The following ITGB5 variants were observed in gnomAD, a reference collection of about 807,000 sequenced individuals.
The protein encoded by ITGB5 is integrin subunit beta 5.
In ITGB5, 38 loss-of-function variants were observed where a neutral mutation model predicts 84.8. The ratio of observed to expected loss-of-function variants is 0.45; its 90% confidence interval spans 0.35 to 0.59. ITGB5 has a LOEUF of 0.59. Ranked by LOEUF, ITGB5 falls within the 20% of genes least tolerant of loss-of-function variation. The pLI, the probability that ITGB5 is intolerant of heterozygous loss-of-function variation, is 0.01. For synonymous variants in ITGB5, 393 were observed against 414.4 expected (o/e 0.95, Z 0.63); for missense variants, 905 against 1,034.5 (o/e 0.87, Z 1.72).
At chr3:124,833,380 T>G (rs996745943) in intron 5 of ITGB5, among the ~76,000 whole-genome samples, 1 of 152,230 alleles carries the variant, frequency 6.6e-6, no homozygotes, top group Non-Finnish European at 1.5e-5. Context: ...ATCAATAATT[T>G]TATATGGTTC....
At chr3:124,767,272 G>A (rs2063780722) in intron 12 of ITGB5, among the ~76,000 whole-genome samples, 1 of 152,220 alleles carries the variant, frequency 6.6e-6, no homozygotes, top group African/African-American at 2.4e-5. Flanking sequence ...CTGCTAGACG[G>A]AGCTGTAACC....
chr3:124,856,091 G>A (rs1579301015), intron 3 of ITGB5, among the ~76,000 whole-genome samples: 1 of 151,774 alleles, frequency 6.6e-6, no homozygotes, highest in African/African-American at 2.4e-5. Flanking sequence ...TCACTATGTT[G>A]CCCAGGCTGG....
At chr3:124,819,692 AC>A in intron 7 of ITGB5, 46 bp downstream of exon 7, 1 of 1,359,068 alleles carries the variant, frequency 7.4e-7, no homozygotes, top group Non-Finnish European at 1.1e-6. Context: ...ACTCCTCACC[AC>A]CCACTTCACC....
chr3:124,854,297 T>C (rs1462782505), intron 3 of ITGB5, among the ~76,000 whole-genome samples: 2 of 152,202 alleles, frequency 1.3e-5, no homozygotes, highest in African/African-American at 2.4e-5. Context: ...TTAGTCATAA[T>C]TGCCCCAAAG....
intron 5 of ITGB5, among the ~76,000 whole-genome samples, chr3:124,824,001 G>A (rs9861248): frequency 0.17 from 26,354 of 152,026 alleles, 2,497 homozygotes; most frequent in Admixed American, 0.26. Context: ...GTGTTGAGAC[G>A]CCATCTCTCT....
chr3:124,878,098 C>G (rs1213704296), intron 1 of ITGB5, among the ~76,000 whole-genome samples: 2 of 152,226 alleles, frequency 1.3e-5, no homozygotes, highest in African/African-American at 4.8e-5. Context: ...GATCTGCCCA[C>G]TTCAGCCTCC....
chr3:124,824,622 G>C (rs1019139083), intron 5 of ITGB5, among the ~76,000 whole-genome samples: 1 of 152,060 alleles, frequency 6.6e-6, no homozygotes, highest in Non-Finnish European at 1.5e-5. Context: ...GAAAATATTT[G>C]AAAAAATTAA....
intron 4 of ITGB5, among the ~76,000 whole-genome samples, chr3:124,843,930 A>C (rs1351376184): frequency 6.6e-6 from 1 of 152,202 alleles, no homozygotes; most frequent in Non-Finnish European, 1.5e-5. Flanking sequence ...ATCCAATTTG[A>C]AGACACCAGA....
intron 1 of ITGB5, among the ~76,000 whole-genome samples, chr3:124,879,212 C>T (rs766897666): frequency 2.3e-4 from 35 of 152,328 alleles, no homozygotes; most frequent in Non-Finnish European, 4.1e-4. Context: ...CCATAGCCTC[C>T]TGGCTGGCCT....
intron 5 of ITGB5, among the ~76,000 whole-genome samples, chr3:124,825,063 G>T (rs977330500): frequency 6.6e-6 from 1 of 152,140 alleles, no homozygotes; most frequent in Non-Finnish European, 1.5e-5. Context: ...TGGGCGTGGT[G>T]GTGGGTGCCT....
intron 4 of ITGB5, 123 bp from the exon 5 acceptor site, chr3:124,841,674 T>A: frequency 1.2e-6 from 1 of 849,128 alleles, no homozygotes; most frequent in South Asian, 1.7e-5. Flanking sequence ...ACCTACCACA[T>A]GCCCCAGGAC....
chr3:124,895,654 G>C (rs1178392054), intron 1 of ITGB5, among the ~76,000 whole-genome samples: 1 of 152,164 alleles, frequency 6.6e-6, no homozygotes, highest in Non-Finnish European at 1.5e-5. Context: ...TTGGGGCTGG[G>C]GTGGGGAATG....
At chr3:124,838,586 A>T (rs955129629) in intron 5 of ITGB5, among the ~76,000 whole-genome samples, 19 of 152,116 alleles carry the variant, frequency 1.2e-4, no homozygotes, top group Non-Finnish European at 1.9e-4. Context: ...AATACCTTAC[A>T]TATTATTCAA....
intron 1 of ITGB5, among the ~76,000 whole-genome samples, chr3:124,876,373 C>A (rs572876752): frequency 2.6e-5 from 4 of 151,230 alleles, no homozygotes; most frequent in African/African-American, 9.8e-5. Context: ...AAAAAACAAA[C>A]CAGTATCTTG....
At chr3:124,821,189 G>A in intron 6 of ITGB5, 124 bp downstream of exon 6, 1 of 1,058,242 alleles carries the variant, frequency 9.4e-7, no homozygotes, top group African/African-American at 1.6e-5. Flanking sequence ...ACCCCAAGAA[G>A]GGATCAGAAA....
Position 124,766,240 on chromosome 3 carries a change from A to C in ITGB5, c.2123T>G (p.Val708Gly). 6.2e-7 allele frequency: 1 copy of C among 1,613,872 alleles called. No homozygotes were observed. Among genetic ancestry groups the C allele is most frequent in the Non-Finnish European group, 8.5e-7 (1 of 1,179,914 alleles). Residue 708 changes from valine (V) to glycine (G), a missense_variant, in exon 13 of 15, where the codon GTC becomes GGC. Physicochemically the swap from Val to Gly is moderately radical, Grantham distance 109 (BLOSUM62 -3). This residue lies in a region of ITGB5 where 133 missense variants were observed against 122.8 expected (regional missense o/e 1.08). Coordinates refer to ENST00000296181, the MANE Select transcript of ITGB5 (RefSeq NM_002213.5). ...ELPSGKSNLT[V>G]LREPECGNTP... ...CCCTCACCTACCTGGCTCCCTGAGG[A>C]CGGTCAGGTTGGACTTCCCACTGGG...
chr3:124,860,101 T>C (rs939158204), intron 2 of ITGB5, among the ~76,000 whole-genome samples: 1 of 152,196 alleles, frequency 6.6e-6, no homozygotes. Context: ...ACAGGTCATA[T>C]CCACTGACCC....
intron 10 of ITGB5, 46 bp from the exon 11 acceptor site, chr3:124,773,958 A>C: frequency 6.6e-7 from 1 of 1,522,004 alleles, no homozygotes; most frequent in Non-Finnish European, 9.1e-7. Context: ...ACCTTTACAC[A>C]TGAGCACATA....
rs1187840084 is a variant in ITGB5 at position 124,841,471 on chromosome 3, T to C, written c.692A>G (p.Asn231Ser). ...LPLTDRVDSF[N>S]EEVRKQRVSR... ...CACCCTCTGTTTCCGAACTTCCTCA[T>C]TGAAGCTGTCCACTCTGTCTGTGAG... The change falls in exon 5 of 15, where the codon AAT becomes AGT. Residue 231 changes from asparagine to serine, a missense_variant. Coordinates refer to ENST00000296181, the MANE Select transcript of ITGB5 (RefSeq NM_002213.5). 8.1e-6 allele frequency: 13 copies of C among 1,614,088 alleles called. No individual in the cohort carries two copies. The highest frequency in any genetic ancestry group is 2.2e-5 in the East Asian group (1 of 44,898).
Sources: gnomAD v4.1 joint callset for allele counts (sites outside exome capture counted in the v4.1 genomes callset) on GRCh38, gnomAD v4.1.1 for gene constraint, gnomAD v4.1.1 regional missense constraint, MANE v1.5 for transcripts, NCBI Gene and HGNC (gene_info 2026-07-23, HGNC 2026-07-21) for gene names.